The following VPS13A variants were observed in gnomAD, a reference collection of about 807,000 sequenced individuals.
The protein encoded by VPS13A is vacuolar protein sorting 13 homolog A.
In VPS13A, 264 loss-of-function variants were observed where a neutral mutation model predicts 390.9. That is an observed-to-expected ratio of 0.68 (90% CI 0.61 to 0.75). The LOEUF (loss-of-function observed/expected upper bound fraction) is 0.75, where lower values mean the gene tolerates loss of function less well. Ranked by LOEUF, VPS13A falls within the 30% of genes least tolerant of loss-of-function variation. The pLI is 0.00. For missense variants in VPS13A, 3,409 were observed against 3,733.9 expected, an observed-to-expected ratio of 0.91 and a Z score of 2.27; for synonymous variants, 1,231 against 1,227.1, an observed-to-expected ratio of 1.00 and a Z score of -0.07.
At chr9:77,180,355 A>G (rs1823933160) in intron 1 of VPS13A, among the ~76,000 whole-genome samples, 2 of 152,210 alleles carry the variant, frequency 1.3e-5, no homozygotes, top group Non-Finnish European at 2.9e-5. Flanking sequence ...AATATTAAGG[A>G]TACAATTTCT....
chr9:77,180,281 G>A (rs962631647), intron 1 of VPS13A, among the ~76,000 whole-genome samples: 3 of 152,146 alleles, frequency 2.0e-5, no homozygotes, highest in Admixed American at 6.5e-5. Context: ...AACCTTTTGA[G>A]GAACAGCCAA....
chr9:77,280,269 T>C (rs1159901449), intron 27 of VPS13A, 31 bp downstream of exon 27: 1 of 1,523,570 alleles, frequency 6.6e-7, no homozygotes, highest in Non-Finnish European at 9.1e-7. Flanking sequence ...CTGCTTAATA[T>C]GGTAAGTATG....
intron 12 of VPS13A, 131 bp from the exon 13 acceptor site, chr9:77,221,054 A>G: frequency 1.2e-6 from 1 of 858,826 alleles, no homozygotes; most frequent in East Asian, 2.6e-5. Flanking sequence ...GTAAAAAGGA[A>G]GTACTCAGAT....
chr9:77,252,109 A>AT, intron 21 of VPS13A, 126 bp from the exon 22 acceptor site: 1 of 787,544 alleles, frequency 1.3e-6, no homozygotes, highest in Non-Finnish European at 2.2e-6. Flanking sequence ...AGAATGTGAC[A>AT]TTAAGATTAC....
At chr9:77,394,560 C>T (rs1488846202) in intron 68 of VPS13A, among the ~76,000 whole-genome samples, 1 of 152,172 alleles carries the variant, frequency 6.6e-6, no homozygotes, top group East Asian at 1.9e-4. Flanking sequence ...ATAAAGTCAC[C>T]AGCTGCACTA....
chr9:77,415,372 C>T lies in VPS13A; in HGVS notation c.9475-584C>T, dbSNP rs115366295. ...TTAAGTTAAAGAGGTACAAACATCT[C>T]TGTGAAATCTTTATATATTAGAATA... On this transcript the variant is annotated intron_variant, in intron 71 of 71. Coordinates refer to ENST00000360280, the MANE Select transcript of VPS13A (RefSeq NM_033305.3). 5.4e-3 allele frequency among the ~76,000 whole-genome samples: 828 copies of T among 152,308 alleles called. 9 individuals are homozygous for T. Among genetic ancestry groups the T allele is most frequent in the Middle Eastern group, 0.014 (4 of 294 alleles).
At chr9:77,356,112 A>C (rs749086063) in intron 54 of VPS13A, among the ~76,000 whole-genome samples, 1 of 152,186 alleles carries the variant, frequency 6.6e-6, no homozygotes, top group East Asian at 1.9e-4. Flanking sequence ...GCCCCCCACT[A>C]TAAGTCTTAC....
At position 77,295,694 on chromosome 9, in the gene VPS13A, C is replaced by A; in HGVS notation, c.3660C>A (p.Ile1220=). The A allele has an allele frequency of 1.9e-6, 3 of 1,614,046 alleles. No individual in the cohort carries two copies. The highest frequency in any genetic ancestry group is 2.5e-6 in the Non-Finnish European group (3 of 1,179,946). ...ACATCAAAGCCCCAGTTGTGGTCAT[C>A]CCGCAGTCTCCAGTTTCTGAAAATG... The part of the protein sequence containing the change: ...DINIKAPVVV[I]PQSPVSENVF... The change falls in exon 33 of 72, where the codon ATC becomes ATA. Residue 1220 remains isoleucine, a synonymous_variant. Coordinates refer to ENST00000360280, the MANE Select transcript of VPS13A (RefSeq NM_033305.3).
intron 68 of VPS13A, chr9:77,395,689 AT>A (rs1834093977): frequency 6.6e-6 from 1 of 152,186 alleles, no homozygotes; most frequent in Admixed American, 6.5e-5. Flanking sequence ...ATAATAACTC[AT>A]TATATTTTTA....
intron 20 of VPS13A, 112 bp from the exon 21 acceptor site, chr9:77,249,985 A>G: frequency 4.2e-6 from 5 of 1,187,796 alleles, no homozygotes; most frequent in Non-Finnish European, 6.0e-6. Context: ...ATGTATGCTT[A>G]CTTGTGAATT....
intron 47 of VPS13A, chr9:77,337,942 T>C (rs1272922237): frequency 1.3e-5 from 2 of 158,316 alleles, no homozygotes; most frequent in East Asian, 1.8e-4. Flanking sequence ...TCATCTATTA[T>C]AGGTTTATTT....
At chr9:77,372,114 G>A (rs577118843) in intron 67 of VPS13A, among the ~76,000 whole-genome samples, 41 of 151,332 alleles carry the variant, frequency 2.7e-4, no homozygotes, top group Admixed American at 2.0e-3. Flanking sequence ...ATAAACATAC[G>A]TGTGCGTGTG....
chr9:77,282,339 G>A, intron 29 of VPS13A, 65 bp downstream of exon 29: 1 of 1,428,700 alleles, frequency 7.0e-7, no homozygotes, highest in Non-Finnish European at 9.6e-7. Flanking sequence ...AATAAATCTA[G>A]ACCCTGACTT....
chr9:77,202,593 T>C (rs1298582111), intron 3 of VPS13A, among the ~76,000 whole-genome samples: 1 of 152,162 alleles, frequency 6.6e-6, no homozygotes, highest in African/African-American at 2.4e-5. Flanking sequence ...TATATAACTT[T>C]TAAACTTTTA....
At position 77,219,662 on chromosome 9, in the gene VPS13A, G is replaced by T. The variant is rs886568960; in HGVS notation, c.755-292G>T. On this transcript the variant is annotated intron_variant, in intron 10 of 71. Transcript: ENST00000360280. ...GTACTTGTATTAAAACTATTTTTTT[G>T]ATTTTTTTTTTCTTAAAATGTTTCT... 5.9e-5 allele frequency among the ~76,000 whole-genome samples: 9 copies of T among 151,428 alleles called. No individual in the cohort carries two copies. The East Asian group carries it at 1.4e-3, about 23-fold the overall frequency.
intron 37 of VPS13A, 43 bp downstream of exon 37, chr9:77,314,707 G>A (rs761031197): frequency 2.0e-5 from 32 of 1,579,580 alleles, no homozygotes; most frequent in Admixed American, 1.5e-4. Context: ...TTGAGAAATC[G>A]TTGATATATT....
intron 69 of VPS13A, among the ~76,000 whole-genome samples, chr9:77,405,436 C>G (rs527672189): frequency 1.0e-3 from 157 of 152,252 alleles, no homozygotes; most frequent in African/African-American, 3.6e-3. Context: ...TATGAAGTGC[C>G]TTACATATTT....
At chr9:77,210,314 C>G (rs1019591815) in intron 6 of VPS13A, among the ~76,000 whole-genome samples, 5 of 148,458 alleles carry the variant, frequency 3.4e-5, no homozygotes, top group Non-Finnish European at 5.9e-5. Context: ...TCATTGCAAC[C>G]TTGACATTCC....
At chr9:77,309,307 TGTGATAAAACTTAA>T (rs1295118807) in intron 35 of VPS13A, among the ~76,000 whole-genome samples, 6 of 152,080 alleles carry the variant, frequency 3.9e-5, no homozygotes, top group Non-Finnish European at 7.4e-5. Context: ...GGATGGAAAA[TGTGATAAAACTTAA>T]GAGTGATGTT....
Sources: allele counts gnomAD v4.1 joint callset (sites outside exome capture counted in the v4.1 genomes callset), GRCh38; gene constraint gnomAD v4.1.1; transcripts MANE v1.5; gene names NCBI Gene and HGNC (gene_info 2026-07-23, HGNC 2026-07-21).